Variants in C3orf52 observed in about 807,000 individuals in gnomAD.
C3orf52 encodes the protein chromosome 3 open reading frame 52.
C3orf52 carries 22 observed loss-of-function variants against 24.8 expected under a neutral mutation model. The ratio of observed to expected loss-of-function variants is 0.89; its 90% confidence interval spans 0.63 to 1.27. C3orf52 has a LOEUF of 1.27. Ranked by LOEUF, C3orf52 falls within the 50% of genes most tolerant of loss-of-function variation. The pLI is 0.00. For missense variants in C3orf52, 265 were observed against 260.7 expected (o/e 1.02, Z -0.11); for synonymous variants, 93 against 100.2 (o/e 0.93, Z 0.43).
Position 112,116,974 on chromosome 3 carries a change from G to GGT in C3orf52, c.*328_*329insGT. Reference sequence around the variant, plus strand: ...TGTTTTGTTTCGTTTTGTTTTTTGAGACAGGGTCTCGTTCTGTCGCTTAGC... The same window carrying GGT: ...TGTTTTGTTTCGTTTTGTTTTTTGAGGTACAGGGTCTCGTTCTGTCGCTTAGC... On this transcript the variant is annotated 3_prime_UTR_variant, in exon 6 of 6. Coordinates refer to ENST00000264848, the MANE Select transcript of C3orf52 (RefSeq NM_024616.3). 6.6e-7 allele frequency: 1 copy of GGT among 1,509,850 alleles called. No individual in the cohort carries two copies. Among genetic ancestry groups the GGT allele is most frequent in the Non-Finnish European group, 8.9e-7 (1 of 1,125,382 alleles). 93.5% of individuals were successfully genotyped at this position (1,509,850 alleles called of 1,614,324 possible). A position where few individuals can be genotyped will look rare whatever the true frequency, so the allele number is the denominator to read the frequency against.
downstream of C3orf52, chr3:112,130,902 G>T: frequency 4.6e-6 from 1 of 217,566 alleles, no homozygotes; most frequent in South Asian, 8.5e-5. Flanking sequence ...GAAAGGTACT[G>T]GCTTTGTCTT....
chr3:112,092,839 C>A lies in C3orf52; in HGVS notation c.139-521C>A, dbSNP rs201468257. ...GCCTTGTAGCTTTTTCTTGGTGTTTCCACTCTAAACCACACATGATTTTCC... is the reference window on the plus strand; with the variant it reads ...GCCTTGTAGCTTTTTCTTGGTGTTTACACTCTAAACCACACATGATTTTCC... On this transcript the variant is annotated intron_variant, in intron 1 of 5. Coordinates refer to ENST00000264848, the MANE Select transcript of C3orf52 (RefSeq NM_024616.3). 1.6e-4 allele frequency among the ~76,000 whole-genome samples: 24 copies of A among 152,204 alleles called. No homozygotes were observed. The East Asian group carries it at 4.6e-3, about 29-fold the overall frequency.
intron 1 of C3orf52, among the ~76,000 whole-genome samples, chr3:112,087,615 G>T (rs902550086): frequency 2.6e-5 from 4 of 152,166 alleles, no homozygotes; most frequent in African/African-American, 9.7e-5. Context: ...TGGAACTATT[G>T]CAAAGTCTGC....
chr3:112,094,183 C>G (rs568048267), intron 2 of C3orf52, among the ~76,000 whole-genome samples: 3 of 152,152 alleles, frequency 2.0e-5, no homozygotes, highest in South Asian at 2.1e-4. Context: ...TTAGTAGAGA[C>G]GGGGTTTTGC....
chr3:112,100,400 C>G (rs987054370), intron 2 of C3orf52, among the ~76,000 whole-genome samples: 1 of 152,176 alleles, frequency 6.6e-6, no homozygotes, highest in African/African-American at 2.4e-5. Flanking sequence ...CAGATTATCT[C>G]ATTAGTGACA....
intron 3 of C3orf52, among the ~76,000 whole-genome samples, chr3:112,105,541 TG>T (rs2074015621): frequency 2.9e-4 from 1 of 3,444 alleles, no homozygotes; most frequent in Non-Finnish European, 0.026. Flanking sequence ...TCTTTGGCCG[TG>T]TGTGTGTGTG....
intron 4 of C3orf52, among the ~76,000 whole-genome samples, chr3:112,110,166 C>T (rs1375277364): frequency 6.6e-6 from 1 of 152,006 alleles, no homozygotes; most frequent in East Asian, 1.9e-4. Context: ...CCTGTCTCAA[C>T]TAAAAATACA....
At chr3:112,107,876 G>A (rs1226668058) in intron 3 of C3orf52, among the ~76,000 whole-genome samples, 1 of 152,232 alleles carries the variant, frequency 6.6e-6, no homozygotes, top group African/African-American at 2.4e-5. Context: ...GGAGTGTATT[G>A]TGGAAGTGCA....
downstream of C3orf52, among the ~76,000 whole-genome samples, chr3:112,118,724 T>TA (rs2074161933): frequency 6.6e-6 from 1 of 152,210 alleles, no homozygotes; most frequent in Non-Finnish European, 1.5e-5. Context: ...AATCTACTGG[T>TA]CATCACACAA....
rs2073989462 is a variant in C3orf52, at chr3:112,103,063, T to C, written c.396+98T>C. 3 of 1,092,244 alleles carry C rather than the reference T, an allele frequency of 2.7e-6. No individual in the cohort carries two copies. In the Admixed American group the frequency reaches 8.2e-5, roughly 30 times the overall value. 67.7% of individuals were successfully genotyped at this position (1,092,244 alleles called of 1,614,324 possible). ...AGAGCTATAGAGTAAGTAGCTTCAA[T>C]TTTGGATTCTTTGTCTGGATTTTAG... On this transcript the variant is annotated intron_variant, in intron 3 of 5. Transcript: ENST00000264848.
intron 2 of C3orf52, among the ~76,000 whole-genome samples, chr3:112,095,647 T>C (rs1475468540): frequency 6.6e-6 from 1 of 152,210 alleles, no homozygotes; most frequent in Non-Finnish European, 1.5e-5. Flanking sequence ...AATTTAACTG[T>C]AAATTTGTGT....
Position 112,116,759 on chromosome 3 carries a change from CA to C in C3orf52, c.*115del, listed in dbSNP as rs368909670. 303 of 1,549,422 alleles carry C rather than the reference CA, an allele frequency of 2.0e-4. 3 individuals carry two copies. In the South Asian group the frequency reaches 3.0e-3, roughly 15 times the overall value. ...CTGTGGATTAATACAGAAGCACCAG[CA>C]ACACCAGAGGGGTGGAGACTCCTTT... On this transcript the variant is annotated 3_prime_UTR_variant, in exon 6 of 6. Coordinates refer to ENST00000264848, the MANE Select transcript of C3orf52 (RefSeq NM_024616.3).
rs535933230 is a variant in C3orf52 at position 112,097,502 on chromosome 3, G to A, written c.268+4013G>A. Among the ~76,000 whole-genome samples the A allele has an allele frequency of 8.5e-5, 13 of 152,262 alleles. No homozygotes were observed. The East Asian group carries it at 2.1e-3, about 25-fold the overall frequency. ...TATAAGCAACGACTTCCTAAGTGAC[G>A]TTGTGTTGAGTGGATTTGTTTGCCT... On this transcript the variant is annotated intron_variant, in intron 2 of 5. Transcript: ENST00000264848.
chr3:112,119,216 C>G (rs1053136629), downstream of C3orf52, among the ~76,000 whole-genome samples: 2 of 152,102 alleles, frequency 1.3e-5, no homozygotes, highest in African/African-American at 4.8e-5. Context: ...AACCCCATCT[C>G]TACTAAAAAT....
At chr3:112,091,091 G>A (rs532507429) in intron 1 of C3orf52, among the ~76,000 whole-genome samples, 5 of 152,252 alleles carry the variant, frequency 3.3e-5, no homozygotes, top group South Asian at 2.1e-4. Context: ...TGCTCCCCTC[G>A]CACCTCTGAC....
intron 1 of C3orf52, 133 bp downstream of exon 1, chr3:112,086,678 C>T (rs536563065): frequency 8.5e-7 from 1 of 1,172,224 alleles, no homozygotes; most frequent in Non-Finnish European, 1.2e-6. Flanking sequence ...GGGGCGCGCT[C>T]GAGTGCTCTG....
chr3:112,133,830 A>T (rs1380776669), downstream of C3orf52: 1 of 152,268 alleles, frequency 6.6e-6, no homozygotes, highest in African/African-American at 2.4e-5. Context: ...GAAAGAAGTG[A>T]TAAGGACAGA....
chr3:112,099,975 G>A (rs1395934029), intron 2 of C3orf52, among the ~76,000 whole-genome samples: 1 of 152,204 alleles, frequency 6.6e-6, no homozygotes, highest in Non-Finnish European at 1.5e-5. Context: ...AGGTCACCTG[G>A]CTAACAAATA....
intron 4 of C3orf52, 54 bp from the exon 5 acceptor site, chr3:112,112,910 C>G: frequency 2.9e-6 from 4 of 1,359,532 alleles, no homozygotes; most frequent in Non-Finnish European, 3.1e-6. Context: ...AAATTCATTT[C>G]TTGAGTTGCA....
Sources: allele counts gnomAD v4.1 joint callset (sites outside exome capture counted in the v4.1 genomes callset), GRCh38; gene constraint gnomAD v4.1.1; transcripts MANE v1.5; gene names NCBI Gene and HGNC (gene_info 2026-07-23, HGNC 2026-07-21).